The following SOX5 variants were observed in gnomAD, a reference collection of about 807,000 sequenced individuals.
SOX5 encodes the protein SRY-box transcription factor 5, also known as transcription factor SOX-5.
Under a neutral mutation model 92.0 loss-of-function variants are expected in SOX5, and 9 were observed. The observed-to-expected ratio is 0.10, with a 90% CI of 0.06 to 0.17. SOX5 has a LOEUF of 0.17. Ranked by LOEUF, SOX5 falls within the 10% of genes least tolerant of loss-of-function variation. SOX5 has a pLI of 1.00. For synonymous variants in SOX5, 344 were observed against 336.3 expected (o/e 1.02, Z -0.25); for missense variants, 642 against 944.5 (o/e 0.68, Z 4.20).
At chr12:24,501,384 A>G (rs1434288613) in intron 1 of SOX5, among the ~76,000 whole-genome samples, 1 of 152,090 alleles carries the variant, frequency 6.6e-6, no homozygotes, top group Non-Finnish European at 1.5e-5. Context: ...TGCAAAAAAA[A>G]AAAAAAAATA....
At chr12:23,712,475 G>A (rs984363247) in intron 6 of SOX5, among the ~76,000 whole-genome samples, 1 of 152,140 alleles carries the variant, frequency 6.6e-6, no homozygotes, top group Non-Finnish European at 1.5e-5. Context: ...TGTAACTTCA[G>A]GACAAACCCA....
chr12:23,620,556 G>A (rs1440364619), intron 8 of SOX5, among the ~76,000 whole-genome samples: 1 of 151,796 alleles, frequency 6.6e-6, no homozygotes, highest in African/African-American at 2.4e-5. Flanking sequence ...AAAACTCTAT[G>A]CTTTGAGTAA....
intron 1 of SOX5, among the ~76,000 whole-genome samples, chr12:24,463,447 C>T (rs191825569): frequency 2.4e-4 from 36 of 152,258 alleles, no homozygotes; most frequent in Admixed American, 5.9e-4. Flanking sequence ...CTAAAAGTTA[C>T]TATGTTGTAT....
At chr12:24,370,476 CAA>C (rs57192965) in intron 1 of SOX5, among the ~76,000 whole-genome samples, 17 of 79,714 alleles carry the variant, frequency 2.1e-4, no homozygotes, top group Admixed American at 1.1e-3. Context: ...GACTCCGTCT[CAA>C]AAAAAAAAAA....
At chr12:23,985,881 C>T (rs1950017744) in intron 4 of SOX5, among the ~76,000 whole-genome samples, 1 of 152,036 alleles carries the variant, frequency 6.6e-6, no homozygotes, top group South Asian at 2.1e-4. Flanking sequence ...CTTGCCTTTT[C>T]TAGCTTCTAG....
chr12:23,899,796 C>T (rs1010550831), intron 1 of SOX5, among the ~76,000 whole-genome samples: 2 of 152,158 alleles, frequency 1.3e-5, no homozygotes, highest in African/African-American at 4.8e-5. Context: ...ATGTGCAAGA[C>T]ACTTATTTAA....
At chr12:23,951,127 G>A (rs1000729989), upstream of SOX5, 4 of 470,186 alleles carry the variant, frequency 8.5e-6, no homozygotes, top group Non-Finnish European at 1.5e-5. Context: ...GAGAGGGCAG[G>A]TCAGTTGATT....
At chr12:23,628,846 C>G (rs915793138) in intron 8 of SOX5, among the ~76,000 whole-genome samples, 1 of 151,366 alleles carries the variant, frequency 6.6e-6, no homozygotes, top group East Asian at 1.9e-4. Flanking sequence ...AAATAGGGCT[C>G]TATTTTCAAG....
chr12:24,449,487 G>T (rs1396197), intron 1 of SOX5, among the ~76,000 whole-genome samples: 1 of 151,954 alleles, frequency 6.6e-6, no homozygotes, highest in African/African-American at 2.4e-5. Flanking sequence ...ACATCAGCCT[G>T]TTTTAACTCT....
intron 2 of SOX5, among the ~76,000 whole-genome samples, chr12:24,324,181 A>G (rs1016760964): frequency 5.3e-5 from 8 of 152,168 alleles, no homozygotes; most frequent in Non-Finnish European, 1.0e-4. Flanking sequence ...AGATGTAGCA[A>G]TTAGTAATTC....
chr12:23,943,798 T>C (rs73280197), intron 1 of SOX5, among the ~76,000 whole-genome samples: 4 of 152,256 alleles, frequency 2.6e-5, no homozygotes, highest in African/African-American at 9.6e-5. Context: ...TACAAGCTTT[T>C]GTTTTAAATT....
Position 23,987,610 on chromosome 12 carries a change from T to C in SOX5, c.-1-91586A>G, listed in dbSNP as rs138123971. 5.5e-3 allele frequency among the ~76,000 whole-genome samples: 836 copies of C among 152,138 alleles called. 5 individuals are homozygous for C. The highest frequency in any genetic ancestry group is 0.01 in the Middle Eastern group (3 of 294). ...GAGTTCGAGAGCAGCCTGGGCAACA[T>C]AGCAAAACCCCATCTCTACAAAAAG... On this transcript the variant is annotated intron_variant, in intron 4 of 4. Coordinates refer to the SOX5 transcript ENST00000446891.
At chr12:24,476,689 T>A (rs1415689653) in intron 1 of SOX5, among the ~76,000 whole-genome samples, 1 of 152,038 alleles carries the variant, frequency 6.6e-6, no homozygotes, top group Non-Finnish European at 1.5e-5. Context: ...TTTGTCGATA[T>A]GTGTTGGCTT....
rs117925499 is a variant in SOX5 at position 24,541,363 on chromosome 12, C to T, written c.-251+20966G>A. Among the ~76,000 whole-genome samples the T allele has an allele frequency of 1.6e-3, 248 of 152,216 alleles. 1 individual carries two copies. The highest frequency in any genetic ancestry group is 3.1e-3 in the Non-Finnish European group (211 of 68,012). ...TTTGTATTTTACAATAGAAAATAAA[C>T]GAAGAAATGTCCATGACATTGCATC... is the stretch of plus-strand genomic sequence containing the variant. On this transcript the variant is annotated intron_variant, in intron 1 of 4. Coordinates refer to the SOX5 transcript ENST00000446891.
intron 1 of SOX5, among the ~76,000 whole-genome samples, chr12:24,381,891 C>A (rs1024317493): frequency 6.6e-5 from 10 of 152,200 alleles, no homozygotes; most frequent in African/African-American, 2.4e-4. Flanking sequence ...AACCCCAAAG[C>A]TTCCTACATG....
chr12:24,142,664 G>C (rs1043250612), intron 4 of SOX5, among the ~76,000 whole-genome samples: 1 of 151,912 alleles, frequency 6.6e-6, no homozygotes, highest in Non-Finnish European at 1.5e-5. Flanking sequence ...AGGCAACAGA[G>C]AACACTTATC....
In SOX5 at chr12:24,530,266, T is replaced by C. The variant is rs1241796727; in HGVS notation, c.-251+32063A>G. Among the ~76,000 whole-genome samples, 2 of 152,128 alleles carry C rather than the reference T, an allele frequency of 1.3e-5. 1 individual carries two copies. On this transcript the variant is annotated intron_variant, in intron 1 of 4. Transcript: ENST00000446891. ...AAAAAATTCTACGCACTAAACCTAA[T>C]TTTACAGGCAAGGAAAGAAAGAGTC...
chr12:24,296,093 A>G (rs573413), intron 2 of SOX5, among the ~76,000 whole-genome samples: 145,464 of 152,282 alleles, frequency 0.96, 69,869 homozygotes, highest in East Asian at 1. Flanking sequence ...ATCCTAACAC[A>G]GTGCTGAAAA....
At chr12:24,195,423 T>A (rs1956918425) in intron 4 of SOX5, among the ~76,000 whole-genome samples, 1 of 152,176 alleles carries the variant, frequency 6.6e-6, no homozygotes, top group Admixed American at 6.5e-5. Flanking sequence ...TTAAGCTAAT[T>A]TAGGCCCAAA....
Sources: allele counts gnomAD v4.1 joint callset (sites outside exome capture counted in the v4.1 genomes callset), GRCh38; gene constraint gnomAD v4.1.1; transcripts MANE v1.5; gene names NCBI Gene and HGNC (gene_info 2026-07-23, HGNC 2026-07-21).